Variants in MFSD11 observed in about 807,000 individuals in gnomAD.
MFSD11 encodes UNC93-like protein MFSD11.
In MFSD11, 36 loss-of-function variants were observed where a neutral mutation model predicts 53.5. The ratio of observed to expected loss-of-function variants is 0.67; its 90% CI spans 0.52 to 0.89. The LOEUF (loss-of-function observed/expected upper bound fraction) is 0.89. MFSD11 is among the 40% of genes least tolerant of loss of function. MFSD11 has a pLI of 0.00. For synonymous variants in MFSD11, 186 were observed against 184.9 expected (o/e 1.01, Z -0.05); for missense variants, 530 against 543.9 (o/e 0.97, Z 0.25).
intron 10 of MFSD11, 24 bp from the exon 11 acceptor site, chr17:76,774,973 C>T (rs372475290): frequency 1.7e-5 from 28 of 1,605,724 alleles, no homozygotes; most frequent in African/African-American, 9.4e-5. Context: ...ACATTAGTGA[C>T]GTTTCTGCCA....
chr17:76,795,258 G>C, the MFSD11 span, among the ~76,000 whole-genome samples: 1 of 145,346 alleles, frequency 6.9e-6, no homozygotes, highest in Non-Finnish European at 1.5e-5. Context: ...GAGGCGGGCG[G>C]ATCACCCAAG....
Position 76,741,037 on chromosome 17 carries a change from C to T in MFSD11, c.233C>T (p.Ser78Phe). 1 of 1,610,312 alleles carries T rather than the reference C, an allele frequency of 6.2e-7. No individual in the cohort carries two copies. Among genetic ancestry groups the T allele is most frequent in the African/African-American group, 1.3e-5 (1 of 74,724 alleles). Reference sequence around the variant, plus strand: ...GTTGCCATTGTAGGACCTCAACTCTCTATGTTTGCCAGTGGTTTATTTTAC... The same window carrying T: ...GTTGCCATTGTAGGACCTCAACTCTTTATGTTTGCCAGTGGTTTATTTTAC... Reference protein sequence around the residue: ...SVVAIVGPQLSMFASGLFYSM... With the variant: ...SVVAIVGPQLFMFASGLFYSM... Residue 78 changes from serine to phenylalanine, a missense_variant, in exon 3 of 13, where the codon TCT becomes TTT. Transcript: ENST00000685175.
chr17:76,737,281 C>T, upstream of MFSD11: 1 of 1,352,214 alleles, frequency 7.4e-7, no homozygotes, highest in Non-Finnish European at 9.8e-7. Flanking sequence ...AAGGCCTTGC[C>T]GCAGAACAGC....
At chr17:76,794,079 C>G in the MFSD11 span, among the ~76,000 whole-genome samples, 1 of 151,438 alleles carries the variant, frequency 6.6e-6, no homozygotes, top group South Asian at 2.1e-4. Context: ...TCTTGCACTT[C>G]TGACCTCCAG....
chr17:76,782,056 A>G (rs371058212), downstream of MFSD11, among the ~76,000 whole-genome samples: 5 of 147,528 alleles, frequency 3.4e-5, no homozygotes, highest in South Asian at 4.2e-4. Flanking sequence ...CCTGGACTCC[A>G]GTGATCCTCC....
chr17:76,790,832 T>C, the MFSD11 span, among the ~76,000 whole-genome samples: 1 of 145,564 alleles, frequency 6.9e-6, no homozygotes, highest in African/African-American at 2.6e-5. Context: ...TCCCAGCTCC[T>C]CGGGAGGCTG....
intron 7 of MFSD11, among the ~76,000 whole-genome samples, chr17:76,744,793 A>G (rs868116025): frequency 6.6e-5 from 10 of 152,342 alleles, no homozygotes; most frequent in Middle Eastern, 3.4e-3. Context: ...TTCCATGGGC[A>G]AGGAAATAGA....
At chr17:76,744,244 T>C in intron 6 of MFSD11, 78 bp from the exon 7 acceptor site, 1 of 1,394,894 alleles carries the variant, frequency 7.2e-7, no homozygotes, top group Non-Finnish European at 9.6e-7. Context: ...TTGACAGTTG[T>C]AAGCAGCCCT....
upstream of MFSD11, chr17:76,737,170 T>A: frequency 6.5e-7 from 1 of 1,549,550 alleles, no homozygotes. Context: ...TAGCTCTGAG[T>A]GGCGGCCCGG....
chr17:76,774,770 A>G (rs1338478494), intron 10 of MFSD11, among the ~76,000 whole-genome samples: 1 of 152,230 alleles, frequency 6.6e-6, no homozygotes, highest in African/African-American at 2.4e-5. Context: ...AAGAAATACA[A>G]GAATGTTCCT....
chr17:76,785,196 G>A (rs1276714561), downstream of MFSD11, among the ~76,000 whole-genome samples: 2 of 152,184 alleles, frequency 1.3e-5, no homozygotes, highest in African/African-American at 4.8e-5. Context: ...ATCGTGCTGA[G>A]TGAGATAAGC....
chr17:76,760,951 A>T (rs1244667540), intron 8 of MFSD11, among the ~76,000 whole-genome samples: 1 of 152,086 alleles, frequency 6.6e-6, no homozygotes, highest in African/African-American at 2.4e-5. Flanking sequence ...CATGCCTGTA[A>T]TCCCAGCACT....
At chr17:76,760,592 G>A (rs995146211) in intron 8 of MFSD11, among the ~76,000 whole-genome samples, 3 of 151,728 alleles carry the variant, frequency 2.0e-5, no homozygotes, top group East Asian at 2.0e-4. Context: ...GTGCAGTGGC[G>A]CGATCTCGGC....
intron 7 of MFSD11, among the ~76,000 whole-genome samples, chr17:76,751,037 G>A (rs2079011000): frequency 6.6e-6 from 1 of 151,726 alleles, no homozygotes; most frequent in African/African-American, 2.4e-5. Context: ...CTTACCTCAA[G>A]TGATCCACCC....
rs1391396027 is a variant in MFSD11 at position 76,738,233 on chromosome 17, T to A, written c.-120T>A. ...ACTGGAAGTTGACAGCTTGGCTGCC[T>A]GGCTCCTGCATCTGCCTTCTCCACT... On this transcript the variant is annotated 5_prime_UTR_variant, in exon 1 of 13. Transcript: ENST00000685175. The A allele has an allele frequency of 1.5e-6, 1 of 669,858 alleles. No individual in the cohort carries two copies. The highest frequency in any genetic ancestry group is 2.7e-5 in the East Asian group (1 of 37,716). The allele number at this position is 669,858 out of a possible 1,614,324, so 41.5% of individuals were successfully genotyped here.
upstream of MFSD11, chr17:76,737,688 C>T (rs1458695173): frequency 2.8e-5 from 5 of 177,396 alleles, no homozygotes; most frequent in Non-Finnish European, 6.0e-5. Flanking sequence ...CCCTTTTTTG[C>T]TCAGCCGTCA....
chr17:76,756,453 C>T (rs2144536216), intron 8 of MFSD11, among the ~76,000 whole-genome samples: 1 of 152,228 alleles, frequency 6.6e-6, no homozygotes, highest in East Asian at 1.9e-4. Context: ...ATAAATTGAG[C>T]CACACGTGAT....
In MFSD11 at chr17:76,776,653, A is replaced by AT; in HGVS notation, c.1185+119dup. Reference sequence around the variant, plus strand: ...TTTTAATTTTTATTTATTTATTTTTATTTTTTTGATAGAGTCTCTCTCTGT... The same window carrying AT: ...TTTTAATTTTTATTTATTTATTTTTATTTTTTTTGATAGAGTCTCTCTCTGT... On this transcript the variant is annotated intron_variant, in intron 12 of 12. Coordinates refer to ENST00000685175, the MANE Select transcript of MFSD11 (RefSeq NM_001242532.5). The surrounding 1 kb of genome is among the most constrained non-coding windows in gnomAD (Gnocchi z 4.2). 1 of 1,070,792 alleles carries AT rather than the reference A, an allele frequency of 9.3e-7. No homozygotes were observed. Among genetic ancestry groups the AT allele is most frequent in the Non-Finnish European group, 1.3e-6 (1 of 790,860 alleles). The allele number at this position is 1,070,792 out of a possible 1,614,324, so 66.3% of individuals were successfully genotyped here.
At chr17:76,773,152 T>C (rs1483620311) in intron 10 of MFSD11, 1 of 152,390 alleles carries the variant, frequency 6.6e-6, no homozygotes, top group Non-Finnish European at 1.5e-5. Flanking sequence ...TCTGCAGCTC[T>C]CTGGAATTGT....
Sources: allele counts gnomAD v4.1 joint callset (sites outside exome capture counted in the v4.1 genomes callset), GRCh38; gene constraint gnomAD v4.1.1; non-coding constraint Gnocchi (gnomAD v3.1); transcripts MANE v1.5; gene names NCBI Gene and HGNC (gene_info 2026-07-23, HGNC 2026-07-21).